The following TAFA4 variants were observed in gnomAD, a reference collection of about 807,000 sequenced individuals.
TAFA4 encodes the protein chemokine-like protein TAFA-4.
In TAFA4, 20 loss-of-function variants were observed where a neutral mutation model predicts 21.1. The observed-to-expected ratio is 0.95, with a 90% CI of 0.67 to 1.38. The LOEUF (loss-of-function observed/expected upper bound fraction) is 1.38. Among genes scored for constraint, TAFA4 ranks in the 40% most tolerant of loss-of-function variants. TAFA4 has a pLI of 0.00. For synonymous variants in TAFA4, 71 were observed against 67.4 expected, an observed-to-expected ratio of 1.05 and a Z score of -0.26; for missense variants, 211 against 180.9, an observed-to-expected ratio of 1.17 and a Z score of -0.95.
At chr3:68,808,721 T>C (rs1286437757) in intron 3 of TAFA4, among the ~76,000 whole-genome samples, 1 of 152,172 alleles carries the variant, frequency 6.6e-6, no homozygotes, top group Non-Finnish European at 1.5e-5. Context: ...GAGATAACAA[T>C]TAAGTGTGGC....
intron 1 of TAFA4, among the ~76,000 whole-genome samples, chr3:68,915,015 G>T (rs2089991356): frequency 6.6e-6 from 1 of 152,118 alleles, no homozygotes; most frequent in South Asian, 2.1e-4. Flanking sequence ...CAGAGTTCAT[G>T]GGGCCACAAA....
At chr3:68,876,248 A>T (rs1158986495) in intron 3 of TAFA4, among the ~76,000 whole-genome samples, 2 of 152,186 alleles carry the variant, frequency 1.3e-5, no homozygotes, top group Non-Finnish European at 2.9e-5. Context: ...TTTTCAGCGC[A>T]GCTTTATAAC....
At chr3:68,912,640 T>A (rs1439941857) in intron 1 of TAFA4, among the ~76,000 whole-genome samples, 1 of 152,222 alleles carries the variant, frequency 6.6e-6, no homozygotes, top group Non-Finnish European at 1.5e-5. Context: ...AATAACGGGC[T>A]TAGCTGAAAA....
chr3:68,771,429 T>G, intron 3 of TAFA4, among the ~76,000 whole-genome samples: 1 of 152,202 alleles, frequency 6.6e-6, no homozygotes, highest in East Asian at 1.9e-4. Context: ...GGCCTCTGTA[T>G]CTGCCCATCT....
chr3:68,783,878 G>T (rs545314399), intron 3 of TAFA4, among the ~76,000 whole-genome samples: 2 of 152,098 alleles, frequency 1.3e-5, no homozygotes, highest in East Asian at 3.9e-4. Context: ...TGCTTTTCAG[G>T]TTTTCCCAAG....
At chr3:68,806,956 G>A (rs997511462) in intron 3 of TAFA4, among the ~76,000 whole-genome samples, 4 of 152,182 alleles carry the variant, frequency 2.6e-5, no homozygotes, top group Non-Finnish European at 5.9e-5. Flanking sequence ...GTGCTAACAT[G>A]TACCAGAAAC....
intron 3 of TAFA4, among the ~76,000 whole-genome samples, chr3:68,783,691 GA>G (rs1278049026): frequency 1.8e-5 from 2 of 111,006 alleles, no homozygotes; most frequent in African/African-American, 3.6e-5. Context: ...GAGAGAGAGA[GA>G]GAGAGAGAGA....
intron 3 of TAFA4, among the ~76,000 whole-genome samples, chr3:68,776,872 T>C (rs1271510886): frequency 6.6e-6 from 1 of 152,088 alleles, no homozygotes; most frequent in Non-Finnish European, 1.5e-5. Context: ...ATTTGGAAAT[T>C]AAGCAACAAA....
In TAFA4 at chr3:68,790,862, G is replaced by C. The variant is rs1421182785; in HGVS notation, c.131-37844C>G. Among the ~76,000 whole-genome samples, 3 of 152,120 alleles carry C rather than the reference G, an allele frequency of 2.0e-5. No individual in the cohort carries two copies. The South Asian group carries it at 6.2e-4, about 31-fold the overall frequency. On this transcript the variant is annotated intron_variant, in intron 3 of 5. Coordinates refer to ENST00000295569, the MANE Select transcript of TAFA4 (RefSeq NM_182522.5). ...CTACTTTGGCCATTTTTGCTCTCTG[G>C]CCCACTTCCTCAACATACTTATTTC...
intron 3 of TAFA4, among the ~76,000 whole-genome samples, chr3:68,876,262 C>G (rs1248516933): frequency 1.3e-5 from 2 of 152,100 alleles, no homozygotes; most frequent in African/African-American, 2.4e-5. Context: ...TTATAACATG[C>G]AAAATTACAT....
chr3:68,892,678 C>T (rs1192176505), intron 1 of TAFA4, among the ~76,000 whole-genome samples: 1 of 152,202 alleles, frequency 6.6e-6, no homozygotes, highest in African/African-American at 2.4e-5. Flanking sequence ...ATGGTTTACA[C>T]TCTGTCACTT....
intron 1 of TAFA4, among the ~76,000 whole-genome samples, chr3:68,917,173 A>G (rs920955844): frequency 2.6e-5 from 4 of 152,206 alleles, no homozygotes; most frequent in Non-Finnish European, 5.9e-5. Context: ...AAACTTCCAG[A>G]AGATTCCACC....
At chr3:68,839,697 T>C (rs982623904) in intron 3 of TAFA4, among the ~76,000 whole-genome samples, 6 of 152,172 alleles carry the variant, frequency 3.9e-5, no homozygotes, top group African/African-American at 1.4e-4. Flanking sequence ...CTCTTCTTAA[T>C]CCATTAGAGG....
At chr3:68,755,493 CAT>C (rs1435773739) in intron 3 of TAFA4, among the ~76,000 whole-genome samples, 1 of 152,216 alleles carries the variant, frequency 6.6e-6, no homozygotes, top group African/African-American at 2.4e-5. Flanking sequence ...GCTTAGGTCA[CAT>C]GTCAACTGTG....
At position 68,769,865 on chromosome 3, in the gene TAFA4, C is replaced by G. The variant is rs142231711; in HGVS notation, c.131-16847G>C. The stretch of plus-strand genomic sequence containing the variant: ...ACAACTCCTTTATTTGTGGATGGAT[C>G]CCTGTAGTAAACAATCAGTAAATTC... On this transcript the variant is annotated intron_variant, in intron 3 of 5. Coordinates refer to ENST00000295569, the MANE Select transcript of TAFA4 (RefSeq NM_182522.5). Among the ~76,000 whole-genome samples, 974 of 152,242 alleles carry G rather than the reference C, an allele frequency of 6.4e-3. 3 individuals are homozygous for G. Among genetic ancestry groups the G allele is most frequent in the Non-Finnish European group, 9.9e-3 (672 of 68,016 alleles).
At chr3:68,795,363 A>G (rs1180015729) in intron 3 of TAFA4, among the ~76,000 whole-genome samples, 1 of 151,718 alleles carries the variant, frequency 6.6e-6, no homozygotes, top group East Asian at 1.9e-4. Flanking sequence ...CCCATTCTCA[A>G]TCTTCTGGTT....
At chr3:68,761,736 G>A (rs1039162798) in intron 3 of TAFA4, among the ~76,000 whole-genome samples, 2 of 152,132 alleles carry the variant, frequency 1.3e-5, no homozygotes, top group African/African-American at 4.8e-5. Context: ...ATTAAAGAGG[G>A]GCAAGGATGG....
intron 3 of TAFA4, among the ~76,000 whole-genome samples, chr3:68,823,100 T>A (rs1704148379): frequency 6.6e-6 from 1 of 152,224 alleles, no homozygotes; most frequent in Admixed American, 6.5e-5. Context: ...GGTTTCACCA[T>A]GATTTCTGGT....
At chr3:68,822,218 T>G (rs1294662320) in intron 3 of TAFA4, among the ~76,000 whole-genome samples, 1 of 152,180 alleles carries the variant, frequency 6.6e-6, no homozygotes, top group Non-Finnish European at 1.5e-5. Flanking sequence ...AACGAGCATT[T>G]GGATGCCTAC....
Sources: gnomAD v4.1 joint callset for allele counts (sites outside exome capture counted in the v4.1 genomes callset) on GRCh38, gnomAD v4.1.1 for gene constraint, MANE v1.5 for transcripts, NCBI Gene and HGNC (gene_info 2026-07-23, HGNC 2026-07-21) for gene names.